The following PRUNE2 variants were observed in gnomAD, a reference collection of about 807,000 sequenced individuals.
PRUNE2 encodes prune homolog 2 with BCH domain.
In PRUNE2, 164 loss-of-function variants were observed where a neutral mutation model predicts 252.0. That is an observed-to-expected ratio of 0.65 (90% CI 0.57 to 0.74). PRUNE2 has a LOEUF of 0.74. PRUNE2 is among the 30% of genes least tolerant of loss of function. The pLI, the probability that PRUNE2 is intolerant of heterozygous loss-of-function variation, is 0.00. For missense variants in PRUNE2, 3,495 were observed against 3,711.0 expected (o/e 0.94, Z 1.51); for synonymous variants, 1,292 against 1,350.2 (o/e 0.96, Z 0.94).
At chr9:76,674,256 C>A (rs1067438) in intron 9 of PRUNE2, among the ~76,000 whole-genome samples, 6 of 143,106 alleles carry the variant, frequency 4.2e-5, no homozygotes, top group Non-Finnish European at 9.5e-5. Context: ...TCTTATACAC[C>A]AACAACAGAC....
rs376976970 is a variant in PRUNE2 at position 76,754,206 on chromosome 9, G to C, written c.757-40485C>G. Reference sequence around the variant, plus strand: ...GGATGCACATGTGAGTGAACATAGAGAAAAGCTAGTTTTAAGGCTGCTTCA... The same window carrying C: ...GGATGCACATGTGAGTGAACATAGACAAAAGCTAGTTTTAAGGCTGCTTCA... On this transcript the variant is annotated intron_variant, in intron 6 of 18. Transcript: ENST00000376718. 1.4e-4 allele frequency among the ~76,000 whole-genome samples: 22 copies of C among 152,254 alleles called. No homozygotes were observed. The South Asian group carries it at 4.6e-3, about 32-fold the overall frequency.
chr9:76,875,889 C>T (rs1211274820), intron 1 of PRUNE2, among the ~76,000 whole-genome samples: 1 of 152,182 alleles, frequency 6.6e-6, no homozygotes, highest in African/African-American at 2.4e-5. Flanking sequence ...AGGGTGGGTG[C>T]AGAAGGCACC....
intron 6 of PRUNE2, chr9:76,808,469 G>C (rs368423396): frequency 6.6e-6 from 1 of 152,152 alleles, no homozygotes; most frequent in Non-Finnish European, 1.5e-5. Context: ...TGCCTCTGGG[G>C]CTCCTCCCAA....
chr9:76,676,196 T>C (rs1186022020), intron 9 of PRUNE2, among the ~76,000 whole-genome samples: 2 of 151,196 alleles, frequency 1.3e-5, no homozygotes, highest in African/African-American at 2.4e-5. Flanking sequence ...CGGCTGCAGA[T>C]GGCTTTGAAT....
intron 1 of PRUNE2, among the ~76,000 whole-genome samples, chr9:76,898,708 A>G (rs550547822): frequency 1.3e-5 from 2 of 152,374 alleles, no homozygotes; most frequent in South Asian, 4.1e-4. Context: ...CTTAGTTCGG[A>G]AATCCTAGGC....
chr9:76,848,355 C>T (rs2059778685), intron 3 of PRUNE2, among the ~76,000 whole-genome samples: 1 of 152,118 alleles, frequency 6.6e-6, no homozygotes, highest in African/African-American at 2.4e-5. Flanking sequence ...AATAAACTAC[C>T]CGGAACTTTT....
chr9:76,892,244 G>A (rs370000995), intron 1 of PRUNE2, among the ~76,000 whole-genome samples: 96 of 152,224 alleles, frequency 6.3e-4, no homozygotes, highest in African/African-American at 2.1e-3. Flanking sequence ...CTAACGTGTC[G>A]GGGTGTAGAC....
rs182077402 is a variant in PRUNE2, at chr9:76,857,599, A to G, written c.37-3391T>C. On this transcript the variant is annotated intron_variant, in intron 1 of 18. Coordinates refer to ENST00000376718, the MANE Select transcript of PRUNE2 (RefSeq NM_015225.3). ...AATTGCAGGGCAGCAAAGGGTAACC[A>G]TGCTCAAACTCCTGCCTGCTTGGAG... Among the ~76,000 whole-genome samples the G allele has an allele frequency of 7.4e-4, 112 of 152,336 alleles. 1 individual carries two copies. The Middle Eastern group carries it at 0.01, about 14-fold the overall frequency.
chr9:76,824,576 A>T (rs1485355159), intron 5 of PRUNE2, among the ~76,000 whole-genome samples: 1 of 152,240 alleles, frequency 6.6e-6, no homozygotes, highest in Non-Finnish European at 1.5e-5. Flanking sequence ...TAGTCAGTTG[A>T]CCAATGGAAC....
intron 4 of PRUNE2, among the ~76,000 whole-genome samples, chr9:76,832,621 T>C (rs552439751): frequency 1.3e-5 from 2 of 151,764 alleles, no homozygotes; most frequent in African/African-American, 4.8e-5. Flanking sequence ...AAGCGTTAAG[T>C]GTTAAAAAAA....
In PRUNE2 at chr9:76,905,980, T is replaced by G; in HGVS notation, c.-17A>C. On this transcript the variant is annotated 5_prime_UTR_variant, in exon 1 of 19. Coordinates refer to ENST00000376718, the MANE Select transcript of PRUNE2 (RefSeq NM_015225.3). Reference sequence around the variant, plus strand: ...TTCTTCCATGTCGTGGCTAGGGGTTTGGAACCCGGGTACTCGGAGGGGCGC... The same window carrying G: ...TTCTTCCATGTCGTGGCTAGGGGTTGGGAACCCGGGTACTCGGAGGGGCGC... 4 of 1,614,122 alleles carry G rather than the reference T, an allele frequency of 2.5e-6. No homozygotes were observed. The highest frequency in any genetic ancestry group is 2.2e-5 in the South Asian group (2 of 91,080).
At chr9:76,848,019 T>C (rs1169649543) in intron 3 of PRUNE2, among the ~76,000 whole-genome samples, 1 of 152,194 alleles carries the variant, frequency 6.6e-6, no homozygotes, top group Non-Finnish European at 1.5e-5. Flanking sequence ...ATCCCAGCAC[T>C]TTGGGAGGCT....
At chr9:76,668,605 C>G (rs1452753938) in intron 9 of PRUNE2, among the ~76,000 whole-genome samples, 1 of 152,034 alleles carries the variant, frequency 6.6e-6, no homozygotes, top group Non-Finnish European at 1.5e-5. Context: ...AGGCCTGGAT[C>G]ATTCTCTCAC....
chr9:76,879,882 T>TATATATATATAA, intron 1 of PRUNE2, among the ~76,000 whole-genome samples: 1 of 74,562 alleles, frequency 1.3e-5, no homozygotes, highest in African/African-American at 7.1e-5. Context: ...GCCTGTCATA[T>TATATATATATAA]ATATATATAT....
chr9:76,867,148 C>T (rs947588730), intron 1 of PRUNE2, among the ~76,000 whole-genome samples: 14 of 152,150 alleles, frequency 9.2e-5, no homozygotes, highest in Non-Finnish European at 1.8e-4. Flanking sequence ...CCATCCCACG[C>T]ACCTTTCTCC....
intron 6 of PRUNE2, among the ~76,000 whole-genome samples, chr9:76,717,209 A>T (rs1392151283): frequency 6.6e-6 from 1 of 152,258 alleles, no homozygotes; most frequent in Non-Finnish European, 1.5e-5. Context: ...ATTCGATCTT[A>T]CTGGCCTTGG....
chr9:76,781,132 A>C (rs1366723641), intron 6 of PRUNE2, among the ~76,000 whole-genome samples: 1 of 152,176 alleles, frequency 6.6e-6, no homozygotes, highest in Non-Finnish European at 1.5e-5. Context: ...ATCCTACTTC[A>C]AACCATGGTC....
intron 6 of PRUNE2, chr9:76,788,450 T>A (rs757638751): frequency 1.3e-6 from 1 of 748,984 alleles, no homozygotes; most frequent in Non-Finnish European, 2.5e-6. Flanking sequence ...GTCCCAGGCA[T>A]GCATTTGGAG....
intron 6 of PRUNE2, among the ~76,000 whole-genome samples, chr9:76,745,094 C>G (rs1401869077): frequency 6.6e-6 from 1 of 152,146 alleles, no homozygotes; most frequent in East Asian, 1.9e-4. Context: ...ATGAAACCAC[C>G]TTTGCAAAAT....
Sources: gnomAD v4.1 joint callset for allele counts (sites outside exome capture counted in the v4.1 genomes callset) on GRCh38, gnomAD v4.1.1 for gene constraint, MANE v1.5 for transcripts, NCBI Gene and HGNC (gene_info 2026-07-23, HGNC 2026-07-21) for gene names.